Variants in SPATC1 observed in about 807,000 individuals in gnomAD.
SPATC1 encodes the protein speriolin.
A neutral mutation model predicts 36.5 loss-of-function variants in SPATC1; 35 were observed. The ratio of observed to expected loss-of-function variants is 0.96; its 90% CI spans 0.73 to 1.27. The LOEUF is 1.27. Among genes scored for constraint, SPATC1 ranks in the 50% most tolerant of loss-of-function variants. The pLI is 0.00. For missense variants in SPATC1, 779 were observed against 796.0 expected (o/e 0.98, Z 0.26); for synonymous variants, 361 against 353.6 (o/e 1.02, Z -0.24).
intron 1 of SPATC1, among the ~76,000 whole-genome samples, chr8:144,032,137 C>T (rs934014446): frequency 6.6e-6 from 1 of 151,976 alleles, no homozygotes; most frequent in Non-Finnish European, 1.5e-5. Flanking sequence ...GTCTCTTAGG[C>T]TTTATTCATT....
chr8:144,033,694 A>G (rs1257052424), intron 1 of SPATC1, among the ~76,000 whole-genome samples: 1 of 152,006 alleles, frequency 6.6e-6, no homozygotes, highest in African/African-American at 2.4e-5. Context: ...GTGAAAGCAG[A>G]TGTGACTGGC....
At chr8:144,042,149 C>A in intron 4 of SPATC1, 1 of 377,704 alleles carries the variant, frequency 2.6e-6, no homozygotes, top group Non-Finnish European at 3.6e-6. Context: ...GATTCTGCTG[C>A]CCCAGCCTCT....
chr8:144,040,692 G>A lies in SPATC1; in HGVS notation c.891G>A (p.Thr297=), dbSNP rs369110335. 1.4e-5 allele frequency: 23 copies of A among 1,613,412 alleles called. 1 individual carries two copies. The highest frequency in any genetic ancestry group is 3.3e-5 in the Admixed American group (2 of 59,954). Reference sequence around the variant, plus strand: ...CCATGGGCACACCTGCTCCCAAGACGGCCTTCTCCTTCAACACTTCGGACA... The same window carrying A: ...CCATGGGCACACCTGCTCCCAAGACAGCCTTCTCCTTCAACACTTCGGACA... The part of the protein sequence containing the change: ...IGAMGTPAPK[T]AFSFNTSDTQ... Residue 297 remains threonine (T), a synonymous_variant, in exon 3 of 5, where the codon ACG becomes ACA. Transcript: ENST00000377470.
intron 1 of SPATC1, among the ~76,000 whole-genome samples, chr8:144,029,460 G>T (rs1004950219): frequency 6.6e-6 from 1 of 152,064 alleles, no homozygotes; most frequent in Non-Finnish European, 1.5e-5. Context: ...CCAGCTACTC[G>T]GGAGGCTGAG....
intron 1 of SPATC1, among the ~76,000 whole-genome samples, chr8:144,027,940 C>T (rs977401853): frequency 6.6e-6 from 1 of 152,076 alleles, no homozygotes; most frequent in Admixed American, 6.6e-5. Context: ...TTGCAGTGAG[C>T]CAAGATGGTG....
chr8:144,018,826 G>A (rs1834443510), intron 1 of SPATC1, among the ~76,000 whole-genome samples: 1 of 137,244 alleles, frequency 7.3e-6, no homozygotes, highest in South Asian at 2.4e-4. Flanking sequence ...GAGGTCAGGA[G>A]TTTGAGACCA....
chr8:144,012,900 T>C, intron 1 of SPATC1, 174 bp downstream of exon 1: 1 of 725,976 alleles, frequency 1.4e-6, no homozygotes, highest in Non-Finnish European at 2.3e-6. Context: ...TGGAGGAGGC[T>C]GCATTCCCTC....
rs979743873 is a variant in SPATC1 at position 144,019,489 on chromosome 8, A to G, written c.211+6763A>G. ...TTGGCCGAGTTAACTTCACCGGGAC[A>G]GAACAGGCGCCAAGAGCTTCAGACT... On this transcript the variant is annotated intron_variant, in intron 1 of 4. Transcript: ENST00000377470. Among the ~76,000 whole-genome samples the G allele has an allele frequency of 2.5e-4, 38 of 152,322 alleles. No homozygotes were observed. In the East Asian group the frequency reaches 6.8e-3, roughly 27 times the overall value.
intron 1 of SPATC1, among the ~76,000 whole-genome samples, chr8:144,029,536 C>T (rs1834754232): frequency 1.3e-5 from 2 of 152,200 alleles, no homozygotes; most frequent in Non-Finnish European, 2.9e-5. Context: ...CACTGCACTC[C>T]AGCCTGGGTG....
chr8:144,039,315 T>C (rs1190711084), intron 1 of SPATC1, among the ~76,000 whole-genome samples: 1 of 152,040 alleles, frequency 6.6e-6, no homozygotes, highest in African/African-American at 2.4e-5. Context: ...GGGACCAGGG[T>C]GTGTGACCAG....
At position 144,016,472 on chromosome 8, in the gene SPATC1, T is replaced by A. The variant is rs573382326; in HGVS notation, c.211+3746T>A. ...GTGAGTGTATATGGTGTGTGTGTGG[T>A]GTGTTCATGTGTGACAGGGGCCAGG... On this transcript the variant is annotated intron_variant, in intron 1 of 4. Transcript: ENST00000377470. This position sits in a 1 kb window ranked among gnomAD's most constrained non-coding sequence, Gnocchi z 4.5. 8.5e-5 allele frequency among the ~76,000 whole-genome samples: 13 copies of A among 152,090 alleles called. No individual in the cohort carries two copies. In the East Asian group the frequency reaches 2.5e-3, roughly 29 times the overall value.
At chr8:144,041,922 C>T (rs1835113160) in intron 4 of SPATC1, 2 of 985,074 alleles carry the variant, frequency 2.0e-6, no homozygotes, top group Admixed American at 1.2e-4. Context: ...GGAGCTTTGC[C>T]TCTGGTTAAA....
rs1175936129 is a variant in SPATC1 at position 144,045,305 on chromosome 8, G to A, written c.1447-1322G>A. Among the ~76,000 whole-genome samples, 1 of 152,220 alleles carries A rather than the reference G, an allele frequency of 6.6e-6. No individual in the cohort carries two copies. The highest frequency in any genetic ancestry group is 1.5e-5 in the Non-Finnish European group (1 of 68,042). On this transcript the variant is annotated intron_variant, in intron 4 of 4. Transcript: ENST00000377470. This position sits in a 1 kb window ranked among gnomAD's most constrained non-coding sequence, Gnocchi z 5.2. The stretch of plus-strand genomic sequence containing the variant: ...CTGGGGAGAGACAGGCGCATCCCAG[G>A]CACGTCCCAGGCAACAGGGGTGCTG...
chr8:144,026,987 C>CTTTTTTTTTTTT (rs1169014232), intron 1 of SPATC1, among the ~76,000 whole-genome samples: 199 of 114,242 alleles, frequency 1.7e-3, no homozygotes, highest in Non-Finnish European at 2.1e-3. Context: ...TTTTTTTTTT[C>CTTTTTTTTTTTT]TTTTTTTTTT....
At chr8:144,021,660 C>G (rs1471995838) in intron 1 of SPATC1, among the ~76,000 whole-genome samples, 2 of 131,886 alleles carry the variant, frequency 1.5e-5, no homozygotes, top group South Asian at 3.0e-4. Flanking sequence ...GATCCTCCCC[C>G]CTCAGGAAGC....
At chr8:144,034,742 T>C (rs1482864668) in intron 1 of SPATC1, among the ~76,000 whole-genome samples, 1 of 152,012 alleles carries the variant, frequency 6.6e-6, no homozygotes, top group African/African-American at 2.4e-5. Flanking sequence ...CTGCCCCAGG[T>C]TCCCGAGTAC....
Position 144,040,813 on chromosome 8 carries a change from G to A in SPATC1, c.1012G>A (p.Ala338Thr), listed in dbSNP as rs1835066660. The change falls in exon 3 of 5, where the codon GCC becomes ACC. Residue 338 changes from alanine (A) to threonine (T), a missense_variant. By Grantham distance (58) the Ala-to-Thr change is moderately conservative. Transcript: ENST00000377470. ...CCCCACGGTCACCGTCCTTGCCTCT[G>A]CCCCCGCCCTTGCCCCCCAGGTTGC... The part of the protein sequence containing the change: ...TSPTVTVLAS[A>T]PALAPQVATS... 1.2e-5 allele frequency: 18 copies of A among 1,463,976 alleles called. No individual in the cohort carries two copies. Among genetic ancestry groups the A allele is most frequent in the Non-Finnish European group, 1.6e-5 (18 of 1,110,142 alleles). 90.7% of individuals were successfully genotyped at this position (1,463,976 alleles called of 1,614,324 possible).
At chr8:144,013,245 T>C (rs1554752699) in intron 1 of SPATC1, among the ~76,000 whole-genome samples, 3 of 152,082 alleles carry the variant, frequency 2.0e-5, no homozygotes, top group African/African-American at 7.2e-5. Flanking sequence ...CAAGCCATCT[T>C]GTCCATCCCT....
chr8:144,034,693 C>A (rs1834863813), intron 1 of SPATC1, among the ~76,000 whole-genome samples: 1 of 151,968 alleles, frequency 6.6e-6, no homozygotes, highest in Admixed American at 6.6e-5. Flanking sequence ...ACACTCTTGG[C>A]TCACTGCAAC....
Sources: allele counts gnomAD v4.1 joint callset (sites outside exome capture counted in the v4.1 genomes callset), GRCh38; gene constraint gnomAD v4.1.1; non-coding constraint Gnocchi (gnomAD v3.1); transcripts MANE v1.5; gene names NCBI Gene and HGNC (gene_info 2026-07-23, HGNC 2026-07-21).